LRP1B: variants seen among roughly 807,000 people sequenced by gnomAD.
The protein encoded by LRP1B is LDL receptor related protein 1B, also known as low-density lipoprotein receptor-related protein 1B.
In LRP1B, 217 loss-of-function variants were observed where a neutral mutation model predicts 556.6. That is an observed-to-expected ratio of 0.39 (90% CI 0.35 to 0.44). The LOEUF (loss-of-function observed/expected upper bound fraction) is 0.44, where lower values mean the gene tolerates loss of function less well. LRP1B is among the 20% of genes least tolerant of loss of function. The pLI is 1.00. For missense variants in LRP1B, 5,053 were observed against 5,620.8 expected, an observed-to-expected ratio of 0.90 and a Z score of 3.23; for synonymous variants, 2,047 against 1,865.8, an observed-to-expected ratio of 1.10 and a Z score of -2.50.
intron 2 of LRP1B, among the ~76,000 whole-genome samples, chr2:141,785,789 T>TG (rs1695414258): frequency 6.6e-6 from 1 of 151,536 alleles, no homozygotes; most frequent in South Asian, 2.1e-4. Context: ...TGTTTGCCTT[T>TG]GGGAAAAGGG....
At chr2:140,961,227 T>C (rs1310346828) in intron 18 of LRP1B, among the ~76,000 whole-genome samples, 1 of 152,058 alleles carries the variant, frequency 6.6e-6, no homozygotes, top group Non-Finnish European at 1.5e-5. Flanking sequence ...ATTAATAGGC[T>C]TGATCAATAT....
intron 25 of LRP1B, among the ~76,000 whole-genome samples, chr2:140,872,763 TC>T (rs1461836509): frequency 1.3e-5 from 2 of 152,120 alleles, no homozygotes; most frequent in Admixed American, 6.6e-5. Context: ...CTTAGTTGTT[TC>T]CTTTAATATG....
intron 6 of LRP1B, among the ~76,000 whole-genome samples, chr2:141,216,147 G>C (rs552361696): frequency 3.3e-5 from 5 of 152,128 alleles, no homozygotes; most frequent in African/African-American, 7.2e-5. Flanking sequence ...CACAGCCTCA[G>C]GGCACTGCTT....
At position 141,385,448 on chromosome 2, in the gene LRP1B, T is replaced by C. The variant is rs572846146; in HGVS notation, c.343+94948A>G. Among the ~76,000 whole-genome samples, 13 of 152,224 alleles carry C rather than the reference T, an allele frequency of 8.5e-5. No individual in the cohort carries two copies. The South Asian group carries it at 2.7e-3, about 32-fold the overall frequency. On this transcript the variant is annotated intron_variant, in intron 3 of 90. Coordinates refer to ENST00000389484, the MANE Select transcript of LRP1B (RefSeq NM_018557.3). ...TGGATAAGGTACACTTAACTTGCAA[T>C]AGTGGCAATGAAACTCGTGTTGCTT...
chr2:140,978,688 A>G (rs1451965511), intron 18 of LRP1B, among the ~76,000 whole-genome samples: 1 of 152,188 alleles, frequency 6.6e-6, no homozygotes, highest in Non-Finnish European at 1.5e-5. Context: ...TAACAGTGAA[A>G]TTGTGCCTAC....
chr2:141,973,812 G>A (rs920972725), intron 1 of LRP1B, among the ~76,000 whole-genome samples: 2 of 151,698 alleles, frequency 1.3e-5, no homozygotes, highest in Non-Finnish European at 1.5e-5. Context: ...TGACTTGTTC[G>A]ATGATACACT....
chr2:140,322,911 T>G (rs998623846), intron 81 of LRP1B, among the ~76,000 whole-genome samples: 1 of 148,264 alleles, frequency 6.7e-6, no homozygotes, highest in African/African-American at 2.5e-5. Context: ...ACTATGAATA[T>G]AAAAAAGAAC....
At chr2:141,887,297 G>A (rs751788923) in intron 1 of LRP1B, among the ~76,000 whole-genome samples, 27 of 152,074 alleles carry the variant, frequency 1.8e-4, no homozygotes, top group Non-Finnish European at 2.5e-4. Context: ...TGCCCAGCCC[G>A]GAATGGTTGA....
At chr2:140,756,336 T>C (rs1156848918) in intron 35 of LRP1B, among the ~76,000 whole-genome samples, 13 of 152,002 alleles carry the variant, frequency 8.6e-5, no homozygotes, top group Admixed American at 8.5e-4. Flanking sequence ...GGCTAATCCT[T>C]AAACTCATAA....
At chr2:141,861,051 C>G (rs1323297248) in intron 1 of LRP1B, among the ~76,000 whole-genome samples, 1 of 152,194 alleles carries the variant, frequency 6.6e-6, no homozygotes, top group Non-Finnish European at 1.5e-5. Context: ...TGTACTCTAA[C>G]AATGTATACG....
At chr2:141,098,739 C>T (rs1255114530) in intron 7 of LRP1B, among the ~76,000 whole-genome samples, 1 of 152,168 alleles carries the variant, frequency 6.6e-6, no homozygotes, top group Non-Finnish European at 1.5e-5. Context: ...CTCACTGAAA[C>T]CTCTGCCTCC....
intron 2 of LRP1B, among the ~76,000 whole-genome samples, chr2:141,489,250 A>T (rs1022482731): frequency 3.6e-5 from 1 of 28,140 alleles, no homozygotes; most frequent in Non-Finnish European, 1.3e-4. Context: ...CACCTCCCAA[A>T]ACACTGGAAT....
chr2:141,477,425 A>G (rs1159706528), intron 3 of LRP1B, among the ~76,000 whole-genome samples: 1 of 152,276 alleles, frequency 6.6e-6, no homozygotes, highest in South Asian at 2.1e-4. Flanking sequence ...CTGGTTCCTA[A>G]TTAACTCTCC....
intron 1 of LRP1B, among the ~76,000 whole-genome samples, chr2:142,055,601 GC>G (rs2104880780): frequency 6.6e-6 from 1 of 152,102 alleles, no homozygotes; most frequent in Non-Finnish European, 1.5e-5. Context: ...TTATCATAGG[GC>G]CTTCAAGAAC....
At chr2:141,674,875 GCTTT>G (rs1343551715) in intron 2 of LRP1B, among the ~76,000 whole-genome samples, 2 of 151,898 alleles carry the variant, frequency 1.3e-5, no homozygotes, top group Non-Finnish European at 2.9e-5. Flanking sequence ...ACTAGAAATT[GCTTT>G]TTTTTGAAAG....
intron 2 of LRP1B, among the ~76,000 whole-genome samples, chr2:141,716,546 GA>G (rs1692602461): frequency 6.6e-6 from 1 of 152,112 alleles, no homozygotes; most frequent in South Asian, 2.1e-4. Context: ...GAGGGATAAA[GA>G]AGAAAATAAA....
At chr2:140,587,214 G>C (rs1010126452) in intron 43 of LRP1B, among the ~76,000 whole-genome samples, 4 of 152,256 alleles carry the variant, frequency 2.6e-5, no homozygotes, top group Admixed American at 1.3e-4. Flanking sequence ...CCAGTGACCT[G>C]TGAGACTATA....
At chr2:141,523,287 T>G (rs1684587810) in intron 2 of LRP1B, among the ~76,000 whole-genome samples, 1 of 152,018 alleles carries the variant, frequency 6.6e-6, no homozygotes, top group African/African-American at 2.4e-5. Flanking sequence ...GAGTCTTGAG[T>G]TTTTGAAATG....
chr2:140,726,740 A>G (rs567935053), intron 35 of LRP1B, among the ~76,000 whole-genome samples: 3 of 152,322 alleles, frequency 2.0e-5, no homozygotes, highest in African/African-American at 7.2e-5. Context: ...ATTATAATAA[A>G]AATAATACAT....
Sources: gnomAD v4.1 joint callset for allele counts (sites outside exome capture counted in the v4.1 genomes callset) on GRCh38, gnomAD v4.1.1 for gene constraint, MANE v1.5 for transcripts, NCBI Gene and HGNC (gene_info 2026-07-23, HGNC 2026-07-21) for gene names.